MEGF6: variants seen among roughly 807,000 people sequenced by gnomAD.
The protein encoded by MEGF6 is multiple epidermal growth factor-like domains protein 6.
Under a neutral mutation model 207.1 loss-of-function variants are expected in MEGF6, and 184 were observed. The ratio of observed to expected loss-of-function variants is 0.89; its 90% CI spans 0.79 to 1.00. MEGF6 has a LOEUF of 1.00. Among genes scored for constraint, MEGF6 ranks in the 50% least tolerant of loss-of-function variants. The probability of loss-of-function intolerance (pLI) is 0.00; values close to 1 mark genes in which losing one functional copy is unlikely to be tolerated. For missense variants in MEGF6, 2,282 were observed against 2,202.9 expected (o/e 1.04, Z -0.72); for synonymous variants, 1,038 against 910.0 (o/e 1.14, Z -2.53).
intron 1 of MEGF6, among the ~76,000 whole-genome samples, chr1:3,608,126 C>A (rs1197580273): frequency 6.6e-6 from 1 of 152,084 alleles, no homozygotes; most frequent in African/African-American, 2.4e-5. Context: ...CTCGTTTTTA[C>A]CCCCATGGTT....
intron 4 of MEGF6, among the ~76,000 whole-genome samples, chr1:3,526,785 C>A (rs972056740): frequency 6.6e-6 from 1 of 152,158 alleles, no homozygotes; most frequent in African/African-American, 2.4e-5. Flanking sequence ...TGAGAGCCGC[C>A]AAAGAGTCAC....
chr1:3,563,795 G>A (rs1462130303), intron 4 of MEGF6, among the ~76,000 whole-genome samples: 1 of 152,198 alleles, frequency 6.6e-6, no homozygotes, highest in Non-Finnish European at 1.5e-5. Context: ...CTGAGACGGA[G>A]AGGCTGGCAC....
At chr1:3,550,495 G>A (rs1038769710) in intron 4 of MEGF6, among the ~76,000 whole-genome samples, 2 of 139,380 alleles carry the variant, frequency 1.4e-5, no homozygotes, top group African/African-American at 3.3e-5. Flanking sequence ...ACAAAGGGTC[G>A]CTATGTTTCA....
chr1:3,609,691 G>A (rs1431213498), intron 1 of MEGF6, among the ~76,000 whole-genome samples: 28 of 152,270 alleles, frequency 1.8e-4, no homozygotes, highest in Admixed American at 1.8e-3. Flanking sequence ...AAACAGCTTT[G>A]CCCCAGGGTC....
intron 2 of MEGF6, among the ~76,000 whole-genome samples, chr1:3,599,922 G>A (rs1017447896): frequency 2.6e-5 from 4 of 152,208 alleles, no homozygotes; most frequent in Admixed American, 2.0e-4. Flanking sequence ...CCAGGCCCAG[G>A]AAATACTGTC....
intron 4 of MEGF6, among the ~76,000 whole-genome samples, chr1:3,542,733 T>A (rs1642571327): frequency 6.6e-6 from 1 of 152,042 alleles, no homozygotes; most frequent in Admixed American, 6.5e-5. Context: ...GAGTTCAGAG[T>A]GGCAGAGCTA....
Position 3,496,683 on chromosome 1 carries a change from AG to A in MEGF6, c.3713del (p.Thr1238MetfsTer36). 1 of 1,569,052 alleles carries A rather than the reference AG, an allele frequency of 6.4e-7. No individual in the cohort carries two copies. The highest frequency in any genetic ancestry group is 1.4e-5 in the African/African-American group (1 of 73,838). On this transcript the variant is annotated frameshift_variant, in exon 29 of 37. Transcript: ENST00000356575. LOFTEE classifies it high-confidence loss of function. ...GGTTGCAGTCCGTCCCGAGGAACCCAGTGGGGCAGCGGCAGGCCCCCGTGGC... is the reference window on the plus strand; with the variant it reads ...GGTTGCAGTCCGTCCCGAGGAACCCATGGGGCAGCGGCAGGCCCCCGTGGC... The part of the protein sequence containing the change: ...DAATGACRCP[T>X]GFLGTDCNLT...
At chr1:3,508,817 A>G in intron 12 of MEGF6, 128 bp from the exon 13 acceptor site, 3 of 1,253,584 alleles carry the variant, frequency 2.4e-6, no homozygotes, top group Non-Finnish European at 2.2e-6. Context: ...AGGGCCCCCA[A>G]AGGGTGACAT....
intron 9 of MEGF6, 67 bp downstream of exon 9, chr1:3,511,483 C>T (rs1290502291): frequency 2.0e-6 from 3 of 1,534,556 alleles, no homozygotes; most frequent in African/African-American, 2.7e-5. Flanking sequence ...TGGAACTGAT[C>T]CCAGACCCAG....
chr1:3,598,725 C>A (rs954930857), intron 2 of MEGF6, among the ~76,000 whole-genome samples: 4 of 149,012 alleles, frequency 2.7e-5, no homozygotes, highest in Admixed American at 6.6e-5. Context: ...GCCCCCCCCC[C>A]CCCCCCGGGG....
intron 28 of MEGF6, 41 bp downstream of exon 28, chr1:3,496,947 C>T (rs747682835): frequency 1.4e-5 from 21 of 1,541,634 alleles, no homozygotes; most frequent in Non-Finnish European, 1.8e-5. Flanking sequence ...GCACGCCAGG[C>T]AGCACTGCCG....
chr1:3,518,527 C>T (rs973664239), intron 5 of MEGF6, among the ~76,000 whole-genome samples: 10 of 152,240 alleles, frequency 6.6e-5, no homozygotes, highest in Non-Finnish European at 7.3e-5. Context: ...GGGGCATCAG[C>T]GGCCAGGCCC....
chr1:3,517,632 G>A (rs1047461938), intron 5 of MEGF6, among the ~76,000 whole-genome samples: 1 of 152,214 alleles, frequency 6.6e-6, no homozygotes, highest in Non-Finnish European at 1.5e-5. Flanking sequence ...GACCCCTCGG[G>A]ACACTGAGAC....
chr1:3,505,662 G>A (rs1188981114), intron 15 of MEGF6, 106 bp from the exon 16 acceptor site: 2 of 1,388,246 alleles, frequency 1.4e-6, no homozygotes, highest in East Asian at 2.5e-5. Context: ...GATCATGTAG[G>A]GAGCTGTCCT....
At chr1:3,554,957 G>A (rs930927482) in intron 4 of MEGF6, among the ~76,000 whole-genome samples, 2 of 152,214 alleles carry the variant, frequency 1.3e-5, no homozygotes, top group African/African-American at 4.8e-5. Context: ...AGCTCCCTCA[G>A]GGAAAAGACA....
In MEGF6 at chr1:3,500,842, C is replaced by T. The variant is rs377113601; in HGVS notation, c.2576-78G>A. 40 of 1,591,550 alleles carry T rather than the reference C, an allele frequency of 2.5e-5. No homozygotes were observed. The African/African-American group carries it at 4.0e-4, about 16-fold the overall frequency. On this transcript the variant is annotated intron_variant, in intron 20 of 36. Coordinates refer to ENST00000356575, the MANE Select transcript of MEGF6 (RefSeq NM_001409.4). ...ACCACAGCCGAGTCAGGCACAGGGG[C>T]GTCTCAGGACTGGGGCAAGGCCTCC... is the stretch of plus-strand genomic sequence containing the variant.
chr1:3,498,405 G>A lies in MEGF6; in HGVS notation c.3318C>T (p.Cys1106=), dbSNP rs1453849727. 1 of 1,597,052 alleles carries A rather than the reference G, an allele frequency of 6.3e-7. No homozygotes were observed. Among genetic ancestry groups the A allele is most frequent in the Admixed American group, 1.7e-5 (1 of 59,272 alleles). ...ACTTGTCCCCAGTCCAGCCGGCTGG[G>A]CAGAGGCAGCGGCCCGTGTGCGGGT... ...LCDPHTGRCL[C]PAGWTGDKCQ... is the part of the protein sequence containing the mutation. Residue 1106 remains cysteine, a synonymous_variant, in exon 26 of 37, where the codon TGC becomes TGT. Transcript: ENST00000356575.
chr1:3,490,553 C>T lies in MEGF6; in HGVS notation c.4601G>A (p.Arg1534Gln), dbSNP rs537295448. 3.3e-5 allele frequency: 54 copies of T among 1,613,382 alleles called. No individual in the cohort carries two copies. In the East Asian group the frequency reaches 8.5e-4, roughly 25 times the overall value. ...TLPASSRPTS[R>Q]SGGPARH is the part of the protein sequence containing the mutation. ...CTAGTGCCTCGCTGGTCCACCGCTC[C>T]GGGATGTGGGTCTGCTGGAGGCGGG... The change falls in exon 37 of 37, where the codon CGG becomes CAG. Residue 1534 changes from arginine (R) to glutamine (Q), a missense_variant. Coordinates refer to ENST00000356575, the MANE Select transcript of MEGF6 (RefSeq NM_001409.4).
chr1:3,497,258 G>A lies in MEGF6; in HGVS notation c.3456C>T (p.Gly1152=). 6.6e-7 allele frequency: 1 copy of A among 1,507,498 alleles called. No homozygotes were observed. The highest frequency in any genetic ancestry group is 2.5e-5 in the East Asian group (1 of 39,986). 93.4% of individuals were successfully genotyped at this position (1,507,498 alleles called of 1,614,324 possible). ...CCTGCTCGCAGCCGGAGCCAGTGAA[G>A]CCAGGGGGACAGCGGCAGGCCCCAG... ...HVTGACRCPP[G]FTGSGCEQAC... Residue 1152 remains glycine (G), a synonymous_variant, in exon 27 of 37, where the codon GGC becomes GGT. Transcript: ENST00000356575.
Sources: allele counts gnomAD v4.1 joint callset (sites outside exome capture counted in the v4.1 genomes callset), GRCh38; gene constraint gnomAD v4.1.1; transcripts MANE v1.5; gene names NCBI Gene and HGNC (gene_info 2026-07-23, HGNC 2026-07-21).